Variants in SIPA1L1 observed in about 807,000 individuals in gnomAD.
The protein encoded by SIPA1L1 is signal induced proliferation associated 1 like 1.
Under a neutral mutation model 162.7 loss-of-function variants are expected in SIPA1L1, and 26 were observed. The ratio of observed to expected loss-of-function variants is 0.16; its 90% CI spans 0.12 to 0.22. The LOEUF is 0.22. Ranked by LOEUF, SIPA1L1 falls within the 10% of genes least tolerant of loss-of-function variation. The pLI is 1.00. For missense variants in SIPA1L1, 1,874 were observed against 2,241.0 expected, an observed-to-expected ratio of 0.84 and a Z score of 3.31; for synonymous variants, 829 against 837.4, an observed-to-expected ratio of 0.99 and a Z score of 0.17.
chr14:71,612,318 G>C (rs1209889215), intron 5 of SIPA1L1, among the ~76,000 whole-genome samples: 1 of 152,048 alleles, frequency 6.6e-6, no homozygotes, highest in Non-Finnish European at 1.5e-5. Context: ...AATATATTAC[G>C]TCTCTACCAA....
At position 71,735,280 on chromosome 14, in the gene SIPA1L1, A is replaced by G; in HGVS notation, c.5012A>G (p.Gln1671Arg). The change falls in exon 22 of 24, where the codon CAG (glutamine) becomes CGG (arginine). Residue 1671 changes from glutamine to arginine, a missense_variant. Physicochemically the swap from Gln to Arg is conservative, Grantham distance 43. This residue lies in a region of SIPA1L1 where 936 missense variants were observed against 1,051.9 expected (regional missense o/e 0.89). Transcript: ENST00000381232. ...LVDAAKAYEVQRASFFAASDE... is the reference protein window; with the variant it reads ...LVDAAKAYEVRRASFFAASDE... The stretch of plus-strand genomic sequence containing the variant: ...TGGTTTCTTCTCTCCTTTCCAGTCC[A>G]GAGAGCCTCATTTTTTGCTGCTAGT... The G allele has an allele frequency of 6.2e-7, 1 of 1,611,062 alleles. No individual in the cohort carries two copies. Among genetic ancestry groups the G allele is most frequent in the Non-Finnish European group, 8.5e-7 (1 of 1,177,138 alleles).
chr14:71,684,836 C>T (rs2046142772), intron 12 of SIPA1L1, among the ~76,000 whole-genome samples: 1 of 151,410 alleles, frequency 6.6e-6, no homozygotes, highest in Admixed American at 6.6e-5. Context: ...TGCTTGTATA[C>T]CCTTTTGGAG....
At chr14:71,666,353 G>C (rs555145874) in intron 10 of SIPA1L1, among the ~76,000 whole-genome samples, 3 of 152,196 alleles carry the variant, frequency 2.0e-5, no homozygotes, top group Non-Finnish European at 2.9e-5. Flanking sequence ...GTGAGGAAGT[G>C]GAGGGGAATC....
chr14:71,642,824 G>A (rs939021095), intron 7 of SIPA1L1, among the ~76,000 whole-genome samples: 6 of 151,988 alleles, frequency 3.9e-5, no homozygotes, highest in Non-Finnish European at 8.8e-5. Flanking sequence ...GTAGAAATCT[G>A]GAAAAAGAAA....
rs942073594 is a variant in SIPA1L1, at chr14:71,740,643, C to T, written c.*1482C>T. 6.6e-6 allele frequency: 1 copy of T among 152,216 alleles called. No individual in the cohort carries two copies. The highest frequency in any genetic ancestry group is 2.4e-5 in the African/African-American group (1 of 41,460). The allele number at this position is 152,216 out of a possible 1,614,324, so 9.4% of individuals were successfully genotyped here. On this transcript the variant is annotated 3_prime_UTR_variant, in exon 24 of 24. Transcript: ENST00000381232. Reference sequence around the variant, plus strand: ...ACAGGATGGATTTTCCTCTCTTCTCCCTGCTACATTCACTACCAGATTTTT... The same window carrying T: ...ACAGGATGGATTTTCCTCTCTTCTCTCTGCTACATTCACTACCAGATTTTT...
chr14:71,360,638 G>A (rs886861651), intron 2 of SIPA1L1, among the ~76,000 whole-genome samples: 3 of 152,142 alleles, frequency 2.0e-5, no homozygotes, highest in African/African-American at 7.2e-5. Flanking sequence ...CTCTTTTTAT[G>A]TGTGTAAGTA....
intron 5 of SIPA1L1, among the ~76,000 whole-genome samples, chr14:71,598,864 C>T (rs2036366108): frequency 6.6e-6 from 1 of 152,138 alleles, no homozygotes; most frequent in Non-Finnish European, 1.5e-5. Flanking sequence ...TTGCTAATAA[C>T]TATAGTCACT....
intron 2 of SIPA1L1, among the ~76,000 whole-genome samples, chr14:71,398,101 C>T (rs986502673): frequency 2.3e-4 from 35 of 150,514 alleles, no homozygotes; most frequent in African/African-American, 7.6e-4. Context: ...CTGCAACCTC[C>T]GCCTCCTGGG....
intron 2 of SIPA1L1, among the ~76,000 whole-genome samples, chr14:71,379,818 G>A (rs998510448): frequency 2.0e-5 from 3 of 152,256 alleles, no homozygotes; most frequent in South Asian, 2.1e-4. Context: ...TTTGTGCTTC[G>A]TTTGGTAGAC....
intron 17 of SIPA1L1, among the ~76,000 whole-genome samples, chr14:71,713,476 A>G (rs1323539496): frequency 6.6e-6 from 1 of 152,248 alleles, no homozygotes; most frequent in Admixed American, 6.5e-5. Context: ...AACAGCTAAT[A>G]TACAAATATC....
In SIPA1L1 at chr14:71,491,538, G is replaced by GTTGTTA. The variant is rs1194248037; in HGVS notation, c.-464-21199_-464-21194dup. ...CAACCTGTTTGTTGTTGTTGTTGTT[G>GTTGTTA]TTGTTATTGTTGTTTTGAGATAATC... On this transcript the variant is annotated intron_variant, in intron 2 of 23. Transcript: ENST00000381232. Among the ~76,000 whole-genome samples, 9 of 152,032 alleles carry GTTGTTA rather than the reference G, an allele frequency of 5.9e-5. No homozygotes were observed. In the East Asian group the frequency reaches 1.7e-3, roughly 29 times the overall value.
At chr14:71,458,499 C>A (rs567296162) in intron 2 of SIPA1L1, among the ~76,000 whole-genome samples, 91 of 152,208 alleles carry the variant, frequency 6.0e-4, no homozygotes, top group African/African-American at 2.1e-3. Context: ...CAGGATTCAT[C>A]CCCATTATGA....
At chr14:71,371,400 T>G (rs2038878103) in intron 2 of SIPA1L1, among the ~76,000 whole-genome samples, 1 of 152,154 alleles carries the variant, frequency 6.6e-6, no homozygotes. Flanking sequence ...TATTTTTATT[T>G]TTTTAGAGAC....
chr14:71,454,123 GC>G (rs1353881039), intron 2 of SIPA1L1, among the ~76,000 whole-genome samples: 5 of 151,494 alleles, frequency 3.3e-5, no homozygotes, highest in African/African-American at 1.2e-4. Context: ...CAGGTCTGGT[GC>G]CAGGCATTGT....
Position 71,739,254 on chromosome 14 carries a change from C to A in SIPA1L1, c.*93C>A. The stretch of plus-strand genomic sequence containing the variant: ...CCCTCCATAGAAAGCATCCTCAGAG[C>A]ACCTTCCCTGGCTTCCTACTCTGCC... On this transcript the variant is annotated 3_prime_UTR_variant, in exon 24 of 24. Coordinates refer to ENST00000381232, the MANE Select transcript of SIPA1L1 (RefSeq NM_001386936.1). The A allele has an allele frequency of 7.7e-7, 1 of 1,294,864 alleles. No individual in the cohort carries two copies. The highest frequency in any genetic ancestry group is 2.0e-5 in the South Asian group (1 of 50,234). The allele number at this position is 1,294,864 out of a possible 1,614,324, so 80.2% of individuals were successfully genotyped here. A position where few individuals can be genotyped will look rare whatever the true frequency, so the allele number is the denominator to read the frequency against.
chr14:71,701,399 T>G lies in SIPA1L1; in HGVS notation c.3522-982T>G, dbSNP rs548874888. Among the ~76,000 whole-genome samples, 1,338 of 152,060 alleles carry G rather than the reference T, an allele frequency of 8.8e-3. 7 individuals are homozygous for G. Among genetic ancestry groups the G allele is most frequent in the Non-Finnish European group, 0.014 (929 of 67,942 alleles). On this transcript the variant is annotated intron_variant, in intron 14 of 23. Transcript: ENST00000381232. ...ACCAGGCTAATTTTTTTTTTTTTTT[T>G]TGTGGAGCCTGGGGTCTCTGTTGCC... is the stretch of plus-strand genomic sequence containing the variant.
chr14:71,425,149 G>A (rs1233819356), intron 2 of SIPA1L1, among the ~76,000 whole-genome samples: 2 of 151,696 alleles, frequency 1.3e-5, no homozygotes, highest in African/African-American at 4.8e-5. Context: ...TTCCCTTTTT[G>A]TGTGTGTGAG....
At chr14:71,593,672 C>T (rs2035686304) in intron 5 of SIPA1L1, among the ~76,000 whole-genome samples, 1 of 152,140 alleles carries the variant, frequency 6.6e-6, no homozygotes, top group Non-Finnish European at 1.5e-5. Flanking sequence ...TCTGTGGCCC[C>T]ACAGGACTTC....
intron 8 of SIPA1L1, 152 bp downstream of exon 8, chr14:71,650,661 C>G: frequency 2.9e-6 from 2 of 701,400 alleles, no homozygotes; most frequent in Non-Finnish European, 4.8e-6. Flanking sequence ...GATGTAGCAC[C>G]AGAACAGTTG....
Sources: gnomAD v4.1 joint callset for allele counts (sites outside exome capture counted in the v4.1 genomes callset) on GRCh38, gnomAD v4.1.1 for gene constraint, gnomAD v4.1.1 regional missense constraint, MANE v1.5 for transcripts, NCBI Gene and HGNC (gene_info 2026-07-23, HGNC 2026-07-21) for gene names.